MIOS: variants seen among roughly 807,000 people sequenced by gnomAD.
MIOS encodes GATOR2 complex protein MIOS.
MIOS carries 52 observed loss-of-function variants against 96.9 expected under a neutral mutation model. The observed-to-expected ratio is 0.54, with a 90% CI of 0.43 to 0.68. The LOEUF (loss-of-function observed/expected upper bound fraction) is 0.68. MIOS is among the 30% of genes least tolerant of loss of function. The probability of loss-of-function intolerance (pLI) is 0.00; values close to 1 mark genes in which losing one functional copy is unlikely to be tolerated. For missense variants in MIOS, 1,005 were observed against 1,052.8 expected, an observed-to-expected ratio of 0.95 and a Z score of 0.63; for synonymous variants, 397 against 359.5, an observed-to-expected ratio of 1.10 and a Z score of -1.18.
intron 7 of MIOS, among the ~76,000 whole-genome samples, chr7:7,587,709 A>G (rs1783933429): frequency 1.3e-5 from 2 of 152,060 alleles, no homozygotes; most frequent in African/African-American, 2.4e-5. Flanking sequence ...GGGCAAAACC[A>G]TATTTTATCA....
chr7:7,595,583 C>T (rs963693021), intron 10 of MIOS, among the ~76,000 whole-genome samples: 1 of 152,032 alleles, frequency 6.6e-6, no homozygotes, highest in Admixed American at 6.6e-5. Context: ...ATAAGGTATA[C>T]CACATTAAAT....
chr7:7,576,546 C>G (rs1242213727), intron 5 of MIOS, among the ~76,000 whole-genome samples: 16 of 152,072 alleles, frequency 1.1e-4, no homozygotes, highest in Admixed American at 1.0e-3. Flanking sequence ...GAGAGCATAG[C>G]ACATTATTAT....
intron 5 of MIOS, among the ~76,000 whole-genome samples, chr7:7,574,622 C>T (rs1783467507): frequency 6.6e-6 from 1 of 152,066 alleles, no homozygotes; most frequent in African/African-American, 2.4e-5. Flanking sequence ...ATTGAGCCAT[C>T]TAACAGCAAG....
At chr7:7,603,354 G>C (rs11764201) in intron 11 of MIOS, among the ~76,000 whole-genome samples, 146,716 of 152,120 alleles carry the variant, frequency 0.96, 70,787 homozygotes, top group East Asian at 1. Flanking sequence ...ACAATGAACT[G>C]AAACAAATTT....
chr7:7,575,792 T>C (rs1783511486), intron 5 of MIOS, among the ~76,000 whole-genome samples: 1 of 152,112 alleles, frequency 6.6e-6, no homozygotes, highest in African/African-American at 2.4e-5. Flanking sequence ...CCCACCCCTG[T>C]GTCAAAATAG....
chr7:7,595,081 A>G lies in MIOS; in HGVS notation c.2145A>G (p.Glu715=). 2 of 1,614,120 alleles carry G rather than the reference A, an allele frequency of 1.2e-6. No homozygotes were observed. Among genetic ancestry groups the G allele is most frequent in the Admixed American group, 3.3e-5 (2 of 60,032 alleles). Residue 715 remains glutamate, a synonymous_variant, in exon 10 of 13, where the codon GAA becomes GAG. Transcript: ENST00000340080. The part of the protein sequence containing the change: ...DAWRFWHKRA[E]FDIHRSKLDP... ...GGAGGTTTTGGCATAAACGAGCTGA[A>G]TTTGATATTCACAGGAGTAAGTTGG...
intron 6 of MIOS, among the ~76,000 whole-genome samples, chr7:7,585,233 A>G (rs1255120334): frequency 1.3e-5 from 2 of 152,164 alleles, no homozygotes; most frequent in Non-Finnish European, 2.9e-5. Flanking sequence ...TAACATACAT[A>G]TATGGGAACA....
At chr7:7,604,575 A>G (rs1784473172) in intron 11 of MIOS, among the ~76,000 whole-genome samples, 1 of 152,210 alleles carries the variant, frequency 6.6e-6, no homozygotes, top group East Asian at 1.9e-4. Flanking sequence ...AAGTTAGATT[A>G]TCTACTGGTT....
At chr7:7,570,575 C>G (rs1968081) in intron 3 of MIOS, among the ~76,000 whole-genome samples, 1 of 151,340 alleles carries the variant, frequency 6.6e-6, no homozygotes, top group East Asian at 1.9e-4. Context: ...TACAACTCAC[C>G]GTAATGTAGA....
At chr7:7,594,671 G>A (rs79820944) in intron 9 of MIOS, among the ~76,000 whole-genome samples, 3 of 152,182 alleles carry the variant, frequency 2.0e-5, no homozygotes, top group Non-Finnish European at 2.9e-5. Context: ...AAGGGTATTC[G>A]TATCACTGTT....
intron 1 of MIOS, 98 bp downstream of exon 1, chr7:7,567,170 G>C (rs1477563319): frequency 2.6e-5 from 4 of 152,050 alleles, no homozygotes; most frequent in Non-Finnish European, 5.9e-5. Flanking sequence ...CGGGCGTCTC[G>C]GCGGGGAGCG....
chr7:7,573,888 A>G lies in MIOS; in HGVS notation c.1294+119A>G, dbSNP rs1783437754. ...TATATACAAATACAAGTTACATAAT[A>G]CTAACATTATAAAGTAAAATTGTTC... On this transcript the variant is annotated intron_variant, in intron 4 of 12. Transcript: ENST00000340080. The surrounding 1 kb of genome is among the most constrained non-coding windows in gnomAD (Gnocchi z 5.0). 1.9e-6 allele frequency: 2 copies of G among 1,072,580 alleles called. No individual in the cohort carries two copies. The highest frequency in any genetic ancestry group is 4.8e-5 in the Admixed American group (2 of 41,858). 66.4% of individuals were successfully genotyped at this position (1,072,580 alleles called of 1,614,324 possible). A position where few individuals can be genotyped will look rare whatever the true frequency, so the allele number is the denominator to read the frequency against.
In MIOS at chr7:7,583,179, T is replaced by C. The variant is rs369490963; in HGVS notation, c.1455T>C (p.Asn485=). The change falls in exon 6 of 13, where the codon AAT becomes AAC. Residue 485 remains asparagine, a synonymous_variant. Transcript: ENST00000340080. ...TGGATAAGCAAAGTGATATTCAAAA[T>C]TTAAATGAAGAGAGAATCTTAGCTT... ...SGLDKQSDIQ[N]LNEERILALQ... 4 of 1,614,048 alleles carry C rather than the reference T, an allele frequency of 2.5e-6. No individual in the cohort carries two copies. The highest frequency in any genetic ancestry group is 3.4e-6 in the Non-Finnish European group (4 of 1,180,000).
intron 9 of MIOS, among the ~76,000 whole-genome samples, chr7:7,594,566 A>T (rs1451395739): frequency 1.3e-5 from 2 of 152,196 alleles, no homozygotes; most frequent in Non-Finnish European, 2.9e-5. Flanking sequence ...AAGTGCTGAG[A>T]TTACAGGCAT....
chr7:7,598,088 G>C (rs1784269902), intron 11 of MIOS, among the ~76,000 whole-genome samples: 1 of 152,188 alleles, frequency 6.6e-6, no homozygotes, highest in Non-Finnish European at 1.5e-5. Context: ...AATTATTCCA[G>C]CTCTTTACCT....
chr7:7,573,125 G>C lies in MIOS; in HGVS notation c.650G>C (p.Ser217Thr), dbSNP rs765448861. ...NLAIFDLRNT[S>T]QKMFVNTKAV... ...GCTATATTTGATCTTCGGAATACAA[G>C]CCAAAAGATGTTCGTAAATACAAAA... The change falls in exon 4 of 13, where the codon AGC becomes ACC. Residue 217 changes from serine to threonine, a missense_variant. Ser to Thr is a moderately conservative substitution (Grantham distance 58, BLOSUM62 1). Coordinates refer to ENST00000340080, the MANE Select transcript of MIOS (RefSeq NM_019005.4). The surrounding 1 kb of genome is among the most constrained non-coding windows in gnomAD (Gnocchi z 5.0). The C allele has an allele frequency of 2.5e-6, 4 of 1,614,050 alleles. No individual in the cohort carries two copies. The South Asian group carries it at 4.4e-5, about 18-fold the overall frequency.
chr7:7,593,901 A>AAAAAAAAAAAAAAAAAAAC (rs376486803), intron 9 of MIOS, among the ~76,000 whole-genome samples: 9 of 145,036 alleles, frequency 6.2e-5, no homozygotes, highest in Non-Finnish European at 1.2e-4. Flanking sequence ...AAAAAGAAAA[A>AAAAAAAAAAAAAAAAAAAC]GAAAAGAAAA....
rs1784555172 is a variant in MIOS, at chr7:7,607,123, T to C, written c.*31T>C. Reference sequence around the variant, plus strand: ...TACCACCTTAAGAGAACCCTTCAAGTGTGGAGCTTTCTAGTAGGTGTCCTT... The same window carrying C: ...TACCACCTTAAGAGAACCCTTCAAGCGTGGAGCTTTCTAGTAGGTGTCCTT... On this transcript the variant is annotated 3_prime_UTR_variant, in exon 13 of 13. Coordinates refer to ENST00000340080, the MANE Select transcript of MIOS (RefSeq NM_019005.4). 1 of 1,549,382 alleles carries C rather than the reference T, an allele frequency of 6.5e-7. No individual in the cohort carries two copies.
chr7:7,584,835 A>C (rs1246993191), intron 6 of MIOS, among the ~76,000 whole-genome samples: 1 of 152,200 alleles, frequency 6.6e-6, no homozygotes, highest in African/African-American at 2.4e-5. Flanking sequence ...ATACTGCTGA[A>C]GGCAAAGTTA....
Sources: allele counts gnomAD v4.1 joint callset (sites outside exome capture counted in the v4.1 genomes callset), GRCh38; gene constraint gnomAD v4.1.1; non-coding constraint Gnocchi (gnomAD v3.1); transcripts MANE v1.5; gene names NCBI Gene and HGNC (gene_info 2026-07-23, HGNC 2026-07-21).